Variants in MYRIP observed in about 807,000 individuals in gnomAD.
The protein encoded by MYRIP is rab effector MyRIP.
Under a neutral mutation model 98.0 loss-of-function variants are expected in MYRIP, and 49 were observed. That is an observed-to-expected ratio of 0.50 (90% CI 0.40 to 0.63). MYRIP has a LOEUF of 0.63. MYRIP is among the 30% of genes least tolerant of loss of function. MYRIP has a pLI of 0.00. For missense variants in MYRIP, 1,004 were observed against 1,058.2 expected (o/e 0.95, Z 0.71); for synonymous variants, 404 against 409.5 (o/e 0.99, Z 0.16).
chr3:39,817,016 G>A (rs1454819196), intron 1 of MYRIP, among the ~76,000 whole-genome samples: 3 of 152,116 alleles, frequency 2.0e-5, no homozygotes, highest in Non-Finnish European at 4.4e-5. Flanking sequence ...TAGCACTAAC[G>A]AGTGTCTGCC....
chr3:39,838,925 G>A (rs1312580880), intron 1 of MYRIP, among the ~76,000 whole-genome samples: 2 of 151,918 alleles, frequency 1.3e-5, no homozygotes, highest in Non-Finnish European at 1.5e-5. Flanking sequence ...ACTTCTTCCT[G>A]GTTTAGTCTT....
At chr3:40,193,860 G>A (rs2679817) in intron 10 of MYRIP, among the ~76,000 whole-genome samples, 133,663 of 152,050 alleles carry the variant, frequency 0.88, 58,895 homozygotes, top group Middle Eastern at 0.95. Flanking sequence ...CATCCATCCC[G>A]CTAGCCTTGA....
chr3:39,945,111 A>C (rs1944869951), intron 2 of MYRIP, among the ~76,000 whole-genome samples: 1 of 151,950 alleles, frequency 6.6e-6, no homozygotes, highest in African/African-American at 2.4e-5. Context: ...ATTAAGCCAC[A>C]TGCTTAAGGT....
chr3:39,999,835 A>G (rs1390894828), intron 2 of MYRIP, among the ~76,000 whole-genome samples: 1 of 152,138 alleles, frequency 6.6e-6, no homozygotes, highest in Non-Finnish European at 1.5e-5. Flanking sequence ...ACCATGGAAT[A>G]CTATGCAGCC....
At chr3:40,234,804 G>A (rs1258186177) in intron 12 of MYRIP, among the ~76,000 whole-genome samples, 3 of 151,754 alleles carry the variant, frequency 2.0e-5, no homozygotes, top group Non-Finnish European at 2.9e-5. Flanking sequence ...AGACCAGCCT[G>A]GCCAACATGG....
intron 8 of MYRIP, among the ~76,000 whole-genome samples, chr3:40,175,535 G>T (rs1442086672): frequency 1.3e-5 from 2 of 152,138 alleles, no homozygotes; most frequent in East Asian, 3.9e-4. Flanking sequence ...CTCCCATTGG[G>T]TGTGGTTCCC....
Position 40,244,896 on chromosome 3 carries a change from A to G in MYRIP, c.2262+289A>G, listed in dbSNP as rs555850243. Among the ~76,000 whole-genome samples, 64 of 152,292 alleles carry G rather than the reference A, an allele frequency of 4.2e-4. 1 individual carries two copies. The highest frequency in any genetic ancestry group is 1.5e-3 in the African/African-American group (62 of 41,566). On this transcript the variant is annotated intron_variant, in intron 13 of 16. Transcript: ENST00000302541. ...CCATACATAGGTCTCTCTACTATAC[A>G]GGTTTCCATTCCACTCCAAGACCAT...
At chr3:40,070,065 C>T (rs762142913) in intron 3 of MYRIP, among the ~76,000 whole-genome samples, 1 of 152,106 alleles carries the variant, frequency 6.6e-6, no homozygotes, top group Admixed American at 6.5e-5. Flanking sequence ...TTCAAAAATG[C>T]ACCCTGCTGT....
chr3:40,216,480 C>T (rs1192132163), intron 11 of MYRIP, among the ~76,000 whole-genome samples: 1 of 152,064 alleles, frequency 6.6e-6, no homozygotes, highest in African/African-American at 2.4e-5. Flanking sequence ...ACCCGTTTCT[C>T]CTATAAACGG....
At chr3:39,965,098 A>C (rs1250723730) in intron 2 of MYRIP, among the ~76,000 whole-genome samples, 2 of 152,078 alleles carry the variant, frequency 1.3e-5, no homozygotes, top group African/African-American at 4.8e-5. Context: ...AATTCTTTAT[A>C]ATTTTTTCTC....
intron 3 of MYRIP, among the ~76,000 whole-genome samples, chr3:40,130,027 T>C (rs1250068858): frequency 6.6e-6 from 1 of 152,228 alleles, no homozygotes; most frequent in Non-Finnish European, 1.5e-5. Flanking sequence ...GTAGGTTTTT[T>C]TAGGGAAACA....
At chr3:39,881,908 G>A (rs568588882) in intron 1 of MYRIP, among the ~76,000 whole-genome samples, 5 of 149,810 alleles carry the variant, frequency 3.3e-5, no homozygotes, top group African/African-American at 9.8e-5. Flanking sequence ...TTTTTTTCTC[G>A]TTTCTTCGTC....
chr3:39,878,227 G>A (rs931969212), intron 1 of MYRIP, among the ~76,000 whole-genome samples: 9 of 152,286 alleles, frequency 5.9e-5, no homozygotes, highest in East Asian at 5.8e-4. Context: ...GGAGTGACCC[G>A]ATTTTCCAGG....
At chr3:39,855,951 G>A (rs1942278566) in intron 1 of MYRIP, among the ~76,000 whole-genome samples, 1 of 152,180 alleles carries the variant, frequency 6.6e-6, no homozygotes, top group African/African-American at 2.4e-5. Context: ...GTGAGATATA[G>A]TCAGAGATGG....
At chr3:40,039,098 T>C (rs7634828) in intron 2 of MYRIP, among the ~76,000 whole-genome samples, 148,906 of 152,182 alleles carry the variant, frequency 0.98, 72,931 homozygotes, top group East Asian at 1. Context: ...CCTCTTCCAT[T>C]ACCTTCCACT....
chr3:40,196,115 A>G (rs933768056), intron 10 of MYRIP, among the ~76,000 whole-genome samples: 5 of 151,302 alleles, frequency 3.3e-5, no homozygotes, highest in African/African-American at 1.2e-4. Flanking sequence ...TCTCATTCTC[A>G]TTCTCTATCA....
At chr3:40,067,926 T>C (rs1198022316) in intron 3 of MYRIP, among the ~76,000 whole-genome samples, 2 of 152,204 alleles carry the variant, frequency 1.3e-5, no homozygotes, top group East Asian at 3.9e-4. Flanking sequence ...TTTACTACCA[T>C]TTTACATAAA....
chr3:40,215,005 C>G (rs1176227880), intron 11 of MYRIP, among the ~76,000 whole-genome samples: 1 of 152,134 alleles, frequency 6.6e-6, no homozygotes, highest in African/African-American at 2.4e-5. Context: ...CGATAGAATA[C>G]ATAGGTTTTT....
intron 2 of MYRIP, among the ~76,000 whole-genome samples, chr3:40,003,616 T>C (rs1226418292): frequency 6.6e-6 from 1 of 152,242 alleles, no homozygotes; most frequent in African/African-American, 2.4e-5. Context: ...ATGCACCTTT[T>C]CTCCATTGCA....
Sources: gnomAD v4.1 joint callset for allele counts (sites outside exome capture counted in the v4.1 genomes callset) on GRCh38, gnomAD v4.1.1 for gene constraint, MANE v1.5 for transcripts, NCBI Gene and HGNC (gene_info 2026-07-23, HGNC 2026-07-21) for gene names.